The following STK33 variants were observed in gnomAD, a reference collection of about 807,000 sequenced individuals.
STK33 encodes the protein serine/threonine kinase 33, also known as serine/threonine-protein kinase 33.
STK33 carries 52 observed loss-of-function variants against 58.0 expected under a neutral mutation model. The ratio of observed to expected loss-of-function variants is 0.90; its 90% CI spans 0.72 to 1.13. STK33 has a LOEUF of 1.13. Among genes scored for constraint, STK33 ranks in the 50% most tolerant of loss-of-function variants. The pLI is 0.00. For synonymous variants in STK33, 215 were observed against 200.1 expected (o/e 1.07, Z -0.63); for missense variants, 630 against 604.2 (o/e 1.04, Z -0.45).
intron 15 of STK33, among the ~76,000 whole-genome samples, chr11:8,409,333 C>T (rs745952201): frequency 1.3e-5 from 2 of 152,210 alleles, no homozygotes; most frequent in African/African-American, 2.4e-5. Context: ...GCTCTTCTCA[C>T]GGCAGGTGAC....
intron 1 of STK33, among the ~76,000 whole-genome samples, chr11:8,534,568 C>CTCTCTCTCTGTGTGTGTGTGTGTGTG (rs1402710450): frequency 9.6e-6 from 1 of 104,694 alleles, no homozygotes; most frequent in African/African-American, 4.1e-5. Flanking sequence ...CTCTCTCTCT[C>CTCTCTCTCTGTGTGTGTGTGTGTGTG]TGTGTGTGTG....
chr11:8,476,948 ATATAG>A (rs756106250), intron 3 of STK33, among the ~76,000 whole-genome samples, 197 bp from the exon 4 acceptor site: 4 of 152,190 alleles, frequency 2.6e-5, no homozygotes, highest in Non-Finnish European at 4.4e-5. Flanking sequence ...CAGGTAATGT[ATATAG>A]TATATTATAA....
At chr11:8,371,313 T>C in the STK33 span, among the ~76,000 whole-genome samples, 8 of 151,278 alleles carry the variant, frequency 5.3e-5, no homozygotes, top group African/African-American at 1.9e-4. Flanking sequence ...CAAGGAAGGC[T>C]GTGTGAAGAC....
At chr11:8,482,789 G>C (rs777030900) in intron 1 of STK33, among the ~76,000 whole-genome samples, 4 of 151,812 alleles carry the variant, frequency 2.6e-5, no homozygotes, top group Non-Finnish European at 4.4e-5. Flanking sequence ...GAGTGCAGTG[G>C]CGTGATCTCG....
chr11:8,358,774 C>G, the STK33 span, among the ~76,000 whole-genome samples: 21 of 152,186 alleles, frequency 1.4e-4, no homozygotes, highest in Admixed American at 9.2e-4. Flanking sequence ...TCCATACTGA[C>G]ATAAATGAAT....
chr11:8,379,943 T>G, the STK33 span, among the ~76,000 whole-genome samples: 5 of 152,228 alleles, frequency 3.3e-5, no homozygotes, highest in Admixed American at 6.5e-5. Context: ...TCCATATTCC[T>G]GCAAAGGACG....
chr11:8,539,183 C>T (rs1029691980), intron 1 of STK33, among the ~76,000 whole-genome samples: 2 of 151,882 alleles, frequency 1.3e-5, no homozygotes, highest in African/African-American at 4.8e-5. Context: ...TCTGAAAAAA[C>T]AAAATTGTAG....
At chr11:8,584,035 G>T (rs371612108) in intron 1 of STK33, among the ~76,000 whole-genome samples, 57 of 149,252 alleles carry the variant, frequency 3.8e-4, no homozygotes, top group African/African-American at 1.4e-3. Context: ...CAAGGATCCA[G>T]ATCTAATCAG....
At chr11:8,448,385 C>T (rs1945800133) in intron 11 of STK33, among the ~76,000 whole-genome samples, 2 of 152,292 alleles carry the variant, frequency 1.3e-5, no homozygotes, top group East Asian at 1.9e-4. Context: ...TCAAACTATA[C>T]TACAAGGCTA....
At chr11:8,490,829 C>T (rs969328749) in intron 1 of STK33, among the ~76,000 whole-genome samples, 1 of 152,156 alleles carries the variant, frequency 6.6e-6, no homozygotes, top group Non-Finnish European at 1.5e-5. Flanking sequence ...CAAACTCCAA[C>T]ACACCTGCAG....
chr11:8,464,479 G>T (rs1421064955), intron 7 of STK33, among the ~76,000 whole-genome samples: 1 of 152,056 alleles, frequency 6.6e-6, no homozygotes, highest in Non-Finnish European at 1.5e-5. Context: ...TTGTTATATT[G>T]GTTATGTTAT....
chr11:8,371,825 C>T, the STK33 span, among the ~76,000 whole-genome samples: 1 of 135,236 alleles, frequency 7.4e-6, no homozygotes, highest in African/African-American at 2.8e-5. Flanking sequence ...CTTCCTCCTT[C>T]CCTCCCACCC....
chr11:8,369,799 G>A, the STK33 span, among the ~76,000 whole-genome samples: 1 of 152,334 alleles, frequency 6.6e-6, no homozygotes, highest in African/African-American at 2.4e-5. Flanking sequence ...TGCTGTGCAT[G>A]CCCTCTGCAC....
the STK33 span, among the ~76,000 whole-genome samples, chr11:8,361,659 C>T: frequency 6.6e-6 from 1 of 152,262 alleles, no homozygotes; most frequent in Non-Finnish European, 1.5e-5. The surrounding 1 kb of genome is among the most constrained non-coding windows in gnomAD (Gnocchi z 4.8). Context: ...CAAAGCCTAG[C>T]TTGTCTCCTC....
chr11:8,461,912 TA>T lies in STK33; in HGVS notation c.454-4del, dbSNP rs1207755153. On this transcript the variant is annotated splice_polypyrimidine_tract_variant and splice_region_variant and intron_variant, in intron 7 of 15. Coordinates refer to ENST00000687296, the MANE Select transcript of STK33 (RefSeq NM_001352389.2). ...AACTTCACAGCAGAGCTTCCAGCCT[TA>T]ATCAATGAAGAAACACAGATTTCAC... 6.4e-7 allele frequency: 1 copy of T among 1,574,354 alleles called. No individual in the cohort carries two copies. Among genetic ancestry groups the T allele is most frequent in the Non-Finnish European group, 8.6e-7 (1 of 1,163,598 alleles).
rs563238198 is a variant in STK33, at chr11:8,499,944, T to C, written c.-465-19330A>G. Among the ~76,000 whole-genome samples, 70 of 152,028 alleles carry C rather than the reference T, an allele frequency of 4.6e-4. No individual in the cohort carries two copies. In the South Asian group the frequency reaches 5.4e-3, roughly 12 times the overall value. ...GTGGGGTGGGGGGCTAGGGGAGGGATAGCATTAGGAGAAATACCTAATGTA... is the reference window on the plus strand; with the variant it reads ...GTGGGGTGGGGGGCTAGGGGAGGGACAGCATTAGGAGAAATACCTAATGTA... On this transcript the variant is annotated intron_variant, in intron 1 of 15. Coordinates refer to ENST00000687296, the MANE Select transcript of STK33 (RefSeq NM_001352389.2).
At chr11:8,445,419 G>A (rs1300121696) in intron 11 of STK33, among the ~76,000 whole-genome samples, 1 of 152,148 alleles carries the variant, frequency 6.6e-6, no homozygotes, top group Non-Finnish European at 1.5e-5. Context: ...ATACTATGTT[G>A]AATAGGAGTG....
chr11:8,361,824 C>T, the STK33 span, among the ~76,000 whole-genome samples: 5 of 152,314 alleles, frequency 3.3e-5, no homozygotes, highest in South Asian at 2.1e-4. The surrounding 1 kb of genome is among the most constrained non-coding windows in gnomAD (Gnocchi z 4.8). Context: ...TCCACGGCAG[C>T]GAGTGGGCAC....
intron 7 of STK33, 114 bp from the exon 8 acceptor site, chr11:8,462,023 TGAATTCA>T: frequency 1.0e-5 from 7 of 668,710 alleles, no homozygotes; most frequent in Non-Finnish European, 1.6e-5. Context: ...ATATTTGAAG[TGAATTCA>T]TACATTTTTT....
Sources: gnomAD v4.1 joint callset for allele counts (sites outside exome capture counted in the v4.1 genomes callset) on GRCh38, gnomAD v4.1.1 for gene constraint, Gnocchi (gnomAD v3.1) non-coding constraint, MANE v1.5 for transcripts, NCBI Gene and HGNC (gene_info 2026-07-23, HGNC 2026-07-21) for gene names.